Variants in ZNF141 observed in about 807,000 individuals in gnomAD.
ZNF141 encodes zinc finger protein 141.
ZNF141 carries 7 observed loss-of-function variants against 11.3 expected under a neutral mutation model. That is an observed-to-expected ratio of 0.62 (90% CI 0.35 to 1.16). ZNF141 has a LOEUF of 1.16. ZNF141 is among the 50% of genes most tolerant of loss of function. The pLI is 0.02. For synonymous variants in ZNF141, 183 were observed against 190.7 expected (o/e 0.96, Z 0.33); for missense variants, 535 against 554.0 (o/e 0.97, Z 0.34).
chr4:384,328 A>C lies in ZNF141; in HGVS notation c.*10466A>C, dbSNP rs1553856123. ...TGTTTACCATCTGATATTTGAAAAG[A>C]AGAGGAACCCCTGAGAAAGGAGGCA... On this transcript the variant is annotated 3_prime_UTR_variant, in exon 4 of 4. Transcript: ENST00000240499. 1 of 152,346 alleles carries C rather than the reference A, an allele frequency of 6.6e-6. No individual in the cohort carries two copies. The highest frequency in any genetic ancestry group is 2.4e-5 in the African/African-American group (1 of 41,450). 9.4% of individuals were successfully genotyped at this position (152,346 alleles called of 1,614,324 possible).
intron 1 of ZNF141, among the ~76,000 whole-genome samples, chr4:343,304 T>C (rs1721145325): frequency 6.6e-6 from 1 of 152,180 alleles, no homozygotes; most frequent in South Asian, 2.1e-4. Context: ...TGCCATCCTT[T>C]TTCTGCAGAG....
intron 3 of ZNF141, among the ~76,000 whole-genome samples, chr4:365,854 T>C (rs897074834): frequency 2.6e-5 from 4 of 152,252 alleles, no homozygotes; most frequent in African/African-American, 7.2e-5. Flanking sequence ...TTGATTATCA[T>C]GTAGGTAATC....
At chr4:366,157 A>G (rs1451959536) in intron 3 of ZNF141, among the ~76,000 whole-genome samples, 1 of 152,030 alleles carries the variant, frequency 6.6e-6, no homozygotes, top group Non-Finnish European at 1.5e-5. Flanking sequence ...TGTTTATTCC[A>G]TTGCTGTGAA....
chr4:365,610 A>G (rs1711703595), intron 3 of ZNF141, among the ~76,000 whole-genome samples: 1 of 152,174 alleles, frequency 6.6e-6, no homozygotes, highest in Non-Finnish European at 1.5e-5. Context: ...CACTTTGTTA[A>G]CGTTTTCTTT....
intron 3 of ZNF141, 45 bp downstream of exon 3, chr4:344,475 A>C (rs1553849179): frequency 1.3e-6 from 2 of 1,531,598 alleles, no homozygotes; most frequent in African/African-American, 1.4e-5. Context: ...AAGGGGACCA[A>C]AGGTCAAGAA....
intron 3 of ZNF141, among the ~76,000 whole-genome samples, chr4:349,401 C>A (rs564384046): frequency 6.6e-6 from 1 of 152,110 alleles, no homozygotes; most frequent in Non-Finnish European, 1.5e-5. Context: ...TGATATTATC[C>A]ACAAACAGTA....
Position 373,312 on chromosome 4 carries a change from T to C in ZNF141, c.875T>C (p.Phe292Ser). 5 of 1,613,878 alleles carry C rather than the reference T, an allele frequency of 3.1e-6. No homozygotes were observed. Among genetic ancestry groups the C allele is most frequent in the Non-Finnish European group, 4.2e-6 (5 of 1,179,920 alleles). ...PITCEECRKI[F>S]TSSSNFAKHK... Reference sequence around the variant, plus strand: ...ACATGTGAAGAATGTAGGAAAATCTTTACCTCATCCTCAAACTTTGCCAAA... The same window carrying C: ...ACATGTGAAGAATGTAGGAAAATCTCTACCTCATCCTCAAACTTTGCCAAA... The change falls in exon 4 of 4, where the codon TTT (phenylalanine) becomes TCT (serine). Residue 292 changes from phenylalanine to serine, a missense_variant. Physicochemically the swap from Phe to Ser is radical, Grantham distance 155. Transcript: ENST00000240499.
At chr4:355,372 AT>A (rs1202853250) in intron 3 of ZNF141, among the ~76,000 whole-genome samples, 14 of 151,756 alleles carry the variant, frequency 9.2e-5, no homozygotes, top group Non-Finnish European at 1.8e-4. Flanking sequence ...CGTCTGGCTA[AT>A]TTTTGTATTT....
Position 374,155 on chromosome 4 carries a change from A to C in ZNF141, c.*293A>C. ...TGTAAAGAGTGTAACAAAACCTTTA[A>C]ACAGCCCTCACCGGTGAATAAACAT... On this transcript the variant is annotated 3_prime_UTR_variant, in exon 4 of 4. Transcript: ENST00000240499. The C allele has an allele frequency of 2.4e-6, 1 of 416,440 alleles. No homozygotes were observed. Among genetic ancestry groups the C allele is most frequent in the Non-Finnish European group, 4.4e-6 (1 of 227,878 alleles). The allele number at this position is 416,440 out of a possible 1,614,324, so 25.8% of individuals were successfully genotyped here.
intron 3 of ZNF141, among the ~76,000 whole-genome samples, chr4:370,045 A>G (rs1379139829): frequency 1.3e-5 from 2 of 151,834 alleles, no homozygotes; most frequent in African/African-American, 4.8e-5. Flanking sequence ...GATCACAGGC[A>G]TGAGCCACTG....
Position 374,363 on chromosome 4 carries a change from A to G in ZNF141, c.*501A>G. 2.8e-6 allele frequency: 1 copy of G among 353,654 alleles called. No homozygotes were observed. The highest frequency in any genetic ancestry group is 7.5e-5 in the East Asian group (1 of 13,300). The allele number at this position is 353,654 out of a possible 1,614,324, so 21.9% of individuals were successfully genotyped here. Reference sequence around the variant, plus strand: ...AACGTAAGTGAATTCATGCTGGAGCAAAATGCTTCACATGCGAAGAATGTG... The same window carrying G: ...AACGTAAGTGAATTCATGCTGGAGCGAAATGCTTCACATGCGAAGAATGTG... On this transcript the variant is annotated 3_prime_UTR_variant, in exon 4 of 4. Coordinates refer to ENST00000240499, the MANE Select transcript of ZNF141 (RefSeq NM_003441.4).
rs577109356 is a variant in ZNF141, at chr4:381,599, G to A, written c.*7737G>A. ...AAATTTTTGTATTTTTAGTAGAGAC[G>A]GGGTTTCACCATGTTGGCCAGGCTG... On this transcript the variant is annotated 3_prime_UTR_variant, in exon 4 of 4. Transcript: ENST00000240499. Among the ~76,000 whole-genome samples, 2 of 151,764 alleles carry A rather than the reference G, an allele frequency of 1.3e-5. No individual in the cohort carries two copies. The highest frequency in any genetic ancestry group is 2.4e-5 in the African/African-American group (1 of 41,388).
intron 3 of ZNF141, among the ~76,000 whole-genome samples, chr4:372,045 C>G (rs1712091651): frequency 6.6e-6 from 1 of 152,164 alleles, no homozygotes; most frequent in African/African-American, 2.4e-5. Flanking sequence ...TGTGTCCTCT[C>G]TGGAATTTTG....
rs191192680 is a variant in ZNF141 at position 341,137 on chromosome 4, G to A, written c.4-2645G>A. Among the ~76,000 whole-genome samples the A allele has an allele frequency of 7.3e-5, 11 of 151,358 alleles. No homozygotes were observed. In the East Asian group the frequency reaches 9.8e-4, roughly 13 times the overall value. ...GGCTGGGGTGCAGTGGTGCGATCTC[G>A]GCTCACTGCAACCTCCGCCTCCCAG... On this transcript the variant is annotated intron_variant, in intron 1 of 3. Transcript: ENST00000240499.
intron 3 of ZNF141, among the ~76,000 whole-genome samples, chr4:371,420 CAG>C (rs1712055322): frequency 2.0e-5 from 3 of 151,742 alleles, no homozygotes; most frequent in African/African-American, 7.3e-5. Context: ...TTAGTAGAGA[CAG>C]AGTTTCACCA....
intron 3 of ZNF141, among the ~76,000 whole-genome samples, chr4:360,451 C>T (rs1553851984): frequency 6.6e-6 from 1 of 152,148 alleles, no homozygotes; most frequent in Admixed American, 6.5e-5. Context: ...AAAATGCCAG[C>T]TCTTCATAAG....
At chr4:354,340 G>A (rs1721750029) in intron 3 of ZNF141, among the ~76,000 whole-genome samples, 1 of 152,194 alleles carries the variant, frequency 6.6e-6, no homozygotes, top group Admixed American at 6.5e-5. Flanking sequence ...CCTAAGTCCA[G>A]GGCCTGCTGG....
In ZNF141 at chr4:338,099, T is replaced by C. The variant is rs544996763; in HGVS notation, c.3+113T>C. 497 of 1,476,262 alleles carry C rather than the reference T, an allele frequency of 3.4e-4. 3 individuals are homozygous for C. In the African/African-American group the frequency reaches 5.7e-3, roughly 17 times the overall value. 91.4% of individuals were successfully genotyped at this position (1,476,262 alleles called of 1,614,324 possible). On this transcript the variant is annotated intron_variant, in intron 1 of 3. Transcript: ENST00000240499. ...AGTCCCCGCTGCCGCCGCTCAGCCCTGGGGCCTCAGTACCCTCCGGTGAGG... is the reference window on the plus strand; with the variant it reads ...AGTCCCCGCTGCCGCCGCTCAGCCCCGGGGCCTCAGTACCCTCCGGTGAGG...
In ZNF141 at chr4:373,076, A is replaced by G. The variant is rs1712158352; in HGVS notation, c.639A>G (p.Ile213Met). The stretch of plus-strand genomic sequence containing the variant: ...GCAAAGCCTTTAAATGGTCTTTAAT[A>G]TTTAATGAACATAAGAGAATTCATA... ...ECGKAFKWSL[I>M]FNEHKRIHTG... The change falls in exon 4 of 4, where the codon ATA (isoleucine) becomes ATG (methionine). Residue 213 changes from isoleucine to methionine, a missense_variant. Transcript: ENST00000240499. 1 of 1,611,484 alleles carries G rather than the reference A, an allele frequency of 6.2e-7. No individual in the cohort carries two copies. Among genetic ancestry groups the G allele is most frequent in the Non-Finnish European group, 8.5e-7 (1 of 1,179,284 alleles).
Sources: allele counts gnomAD v4.1 joint callset (sites outside exome capture counted in the v4.1 genomes callset), GRCh38; gene constraint gnomAD v4.1.1; transcripts MANE v1.5; gene names NCBI Gene and HGNC (gene_info 2026-07-23, HGNC 2026-07-21).